Variants in LCP1 observed in about 807,000 individuals in gnomAD.
LCP1 encodes lymphocyte cytosolic protein 1, also known as plastin-2.
In LCP1, 23 loss-of-function variants were observed where a neutral mutation model predicts 72.0. The ratio of observed to expected loss-of-function variants is 0.32; its 90% CI spans 0.23 to 0.45. The LOEUF is 0.45. LCP1 is among the 20% of genes least tolerant of loss of function. The pLI is 1.00. For synonymous variants in LCP1, 245 were observed against 275.4 expected, an observed-to-expected ratio of 0.89 and a Z score of 1.09; for missense variants, 571 against 748.3, an observed-to-expected ratio of 0.76 and a Z score of 2.76.
At chr13:46,178,106 G>A (rs568606030) in intron 1 of LCP1, among the ~76,000 whole-genome samples, 2 of 152,204 alleles carry the variant, frequency 1.3e-5, no homozygotes, top group South Asian at 2.1e-4. Context: ...AATAAAATAC[G>A]TGAATGAATG....
At chr13:46,174,243 G>C (rs2045917356) in intron 1 of LCP1, among the ~76,000 whole-genome samples, 1 of 152,118 alleles carries the variant, frequency 6.6e-6, no homozygotes, top group Non-Finnish European at 1.5e-5. Flanking sequence ...AACAAAAGGA[G>C]AAGTTACAGA....
intron 1 of LCP1, among the ~76,000 whole-genome samples, chr13:46,167,692 G>A (rs59028957): frequency 1.3e-5 from 2 of 152,026 alleles, no homozygotes; most frequent in Admixed American, 6.5e-5. Context: ...AATATTATGG[G>A]CTAGCTGTTT....
intron 13 of LCP1, among the ~76,000 whole-genome samples, chr13:46,135,108 CAAAAAAAAAAAAAAAGA>C (rs1487973637): frequency 5.1e-5 from 5 of 97,130 alleles, no homozygotes; most frequent in Non-Finnish European, 1.0e-4. Flanking sequence ...GACTCTGTCT[CAAAAAAAAAAAAAAAGA>C]AAAAAAAAAA....
chr13:46,165,619 G>A (rs924471566), intron 1 of LCP1, among the ~76,000 whole-genome samples: 3 of 152,198 alleles, frequency 2.0e-5, no homozygotes, highest in African/African-American at 7.2e-5. Context: ...CAAGGTATAA[G>A]TGAGTGGTTT....
At chr13:46,162,098 T>C (rs2045841835) in intron 1 of LCP1, among the ~76,000 whole-genome samples, 1 of 152,106 alleles carries the variant, frequency 6.6e-6, no homozygotes, top group Non-Finnish European at 1.5e-5. Context: ...AGATCTCAAA[T>C]CACTCAGCTG....
chr13:46,177,864 T>C (rs561750951), intron 1 of LCP1, among the ~76,000 whole-genome samples: 6 of 152,064 alleles, frequency 3.9e-5, no homozygotes, highest in Non-Finnish European at 7.4e-5. Flanking sequence ...CTGCTGCTGC[T>C]GCTGCTGATG....
chr13:46,139,729 T>A (rs2045686047), intron 13 of LCP1, among the ~76,000 whole-genome samples: 3 of 152,222 alleles, frequency 2.0e-5, no homozygotes, highest in Admixed American at 1.3e-4. Context: ...GTACCAAAAT[T>A]GTTTCTTTTT....
intron 1 of LCP1, among the ~76,000 whole-genome samples, chr13:46,171,954 G>T (rs562887331): frequency 6.6e-6 from 1 of 152,260 alleles, no homozygotes; most frequent in African/African-American, 2.4e-5. Flanking sequence ...CCAACTTTTC[G>T]TACATGTGGG....
At chr13:46,142,665 T>A in intron 12 of LCP1, 2 of 574,754 alleles carry the variant, frequency 3.5e-6, no homozygotes, top group Non-Finnish European at 6.4e-6. Flanking sequence ...AATTCATTAC[T>A]ATGAATATGT....
At chr13:46,149,165 AT>A (rs1203277180) in intron 8 of LCP1, among the ~76,000 whole-genome samples, 2 of 152,234 alleles carry the variant, frequency 1.3e-5, no homozygotes, top group Non-Finnish European at 2.9e-5. Flanking sequence ...CAGGTAGTTT[AT>A]TTAAATCATT....
intron 13 of LCP1, among the ~76,000 whole-genome samples, chr13:46,141,223 C>T (rs1192735743): frequency 4.0e-5 from 6 of 151,312 alleles, no homozygotes; most frequent in Non-Finnish European, 7.4e-5. Flanking sequence ...CTGTCCAACA[C>T]GGTGAAACCC....
intron 12 of LCP1, 162 bp from the exon 13 acceptor site, chr13:46,142,587 A>C (rs2045705252): frequency 1.3e-6 from 1 of 743,538 alleles, no homozygotes; most frequent in East Asian, 2.7e-5. Context: ...AAAATTAAAG[A>C]ATTTTCCATC....
At chr13:46,159,466 G>C in intron 2 of LCP1, 133 bp downstream of exon 2, 1 of 689,260 alleles carries the variant, frequency 1.5e-6, no homozygotes, top group Admixed American at 2.8e-5. Flanking sequence ...AGTTCTCCCA[G>C]CTCCTCTAAA....
At chr13:46,174,304 A>AT (rs143380629) in intron 1 of LCP1, among the ~76,000 whole-genome samples, 25,253 of 151,838 alleles carry the variant, frequency 0.17, 2,260 homozygotes, top group South Asian at 0.25. Flanking sequence ...CTTTATCTTC[A>AT]TTTTTTTTAA....
intron 1 of LCP1, among the ~76,000 whole-genome samples, chr13:46,170,525 G>T (rs1208507919): frequency 6.6e-6 from 1 of 152,236 alleles, no homozygotes; most frequent in African/African-American, 2.4e-5. Flanking sequence ...GGAGGGAAAG[G>T]AACCTTGGAG....
At chr13:46,161,928 G>C (rs1001215486) in intron 1 of LCP1, among the ~76,000 whole-genome samples, 2 of 152,218 alleles carry the variant, frequency 1.3e-5, no homozygotes, top group African/African-American at 4.8e-5. Flanking sequence ...ATGTCTGACA[G>C]CAAAATCTTC....
At chr13:46,140,447 A>C (rs2045690563) in intron 13 of LCP1, among the ~76,000 whole-genome samples, 3 of 152,216 alleles carry the variant, frequency 2.0e-5, no homozygotes, top group African/African-American at 7.2e-5. Context: ...CATTACTAAC[A>C]AGCAAAATGA....
rs1168039229 is a variant in LCP1, at chr13:46,143,461, C to A, written c.1254-57G>T. On this transcript the variant is annotated intron_variant, in intron 11 of 15. Transcript: ENST00000323076. ...ATATCCAACATTTATTCAGGGCCTA[C>A]AATGGGCCAGACACTTTCTTACATA... 12 of 1,137,532 alleles carry A rather than the reference C, an allele frequency of 1.1e-5. No homozygotes were observed. The Admixed American group carries it at 2.1e-4, about 20-fold the overall frequency. 70.5% of individuals were successfully genotyped at this position (1,137,532 alleles called of 1,614,324 possible).
chr13:46,127,398 T>G lies in LCP1; in HGVS notation c.*193A>C, dbSNP rs1407029247. 1.8e-6 allele frequency: 1 copy of G among 568,644 alleles called. No individual in the cohort carries two copies. Among genetic ancestry groups the G allele is most frequent in the Admixed American group, 3.2e-5 (1 of 31,618 alleles). The allele number at this position is 568,644 out of a possible 1,614,324, so 35.2% of individuals were successfully genotyped here. A position where few individuals can be genotyped will look rare whatever the true frequency, so the allele number is the denominator to read the frequency against. On this transcript the variant is annotated 3_prime_UTR_variant, in exon 16 of 16. Transcript: ENST00000323076. ...GAATAGAAACCTATATATAGGAGGT[T>G]GGGCCTCCTGCAAAGAATGAAGCAC...
Sources: gnomAD v4.1 joint callset for allele counts (sites outside exome capture counted in the v4.1 genomes callset) on GRCh38, gnomAD v4.1.1 for gene constraint, MANE v1.5 for transcripts, NCBI Gene and HGNC (gene_info 2026-07-23, HGNC 2026-07-21) for gene names.